ITPR2: variants seen among roughly 807,000 people sequenced by gnomAD.
ITPR2 encodes the protein inositol 1,4,5-trisphosphate-gated calcium channel ITPR2.
ITPR2 carries 207 observed loss-of-function variants against 317.1 expected under a neutral mutation model. The observed-to-expected ratio is 0.65, with a 90% CI of 0.58 to 0.73. The LOEUF (loss-of-function observed/expected upper bound fraction) is 0.73. Ranked by LOEUF, ITPR2 falls within the 30% of genes least tolerant of loss-of-function variation. The pLI is 0.00. For missense variants in ITPR2, 2,613 were observed against 3,284.0 expected (o/e 0.80, Z 4.99); for synonymous variants, 1,156 against 1,149.1 (o/e 1.01, Z -0.12).
chr12:26,634,474 C>T (rs1207470999), intron 21 of ITPR2, among the ~76,000 whole-genome samples: 1 of 152,196 alleles, frequency 6.6e-6, no homozygotes, highest in African/African-American at 2.4e-5. Context: ...CTAATGCTTA[C>T]AAATTCAGCT....
intron 37 of ITPR2, among the ~76,000 whole-genome samples, chr12:26,535,943 C>A (rs547324779): frequency 6.6e-6 from 1 of 152,254 alleles, no homozygotes; most frequent in African/African-American, 2.4e-5. Flanking sequence ...CGTCCATGAT[C>A]GAAGAACAAA....
At chr12:26,374,708 G>A (rs1412940655) in intron 55 of ITPR2, among the ~76,000 whole-genome samples, 1 of 152,176 alleles carries the variant, frequency 6.6e-6, no homozygotes, top group East Asian at 1.9e-4. Flanking sequence ...GGAGTACAGA[G>A]GAGGAAACAG....
At chr12:26,773,488 C>T (rs1334626662) in intron 2 of ITPR2, among the ~76,000 whole-genome samples, 1 of 152,152 alleles carries the variant, frequency 6.6e-6, no homozygotes, top group African/African-American at 2.4e-5. Context: ...GTTCTTACCC[C>T]ACTATACCAC....
At chr12:26,520,760 C>T (rs1943641203) in intron 37 of ITPR2, among the ~76,000 whole-genome samples, 1 of 152,050 alleles carries the variant, frequency 6.6e-6, no homozygotes, top group African/African-American at 2.4e-5. Context: ...TCTCCTGATT[C>T]AAACCTGATT....
intron 55 of ITPR2, among the ~76,000 whole-genome samples, chr12:26,354,617 A>G (rs1326162819): frequency 1.3e-5 from 2 of 152,020 alleles, no homozygotes; most frequent in African/African-American, 2.4e-5. Flanking sequence ...AGTCTTTTCC[A>G]TTGTCTTCAA....
intron 34 of ITPR2, among the ~76,000 whole-genome samples, chr12:26,572,935 A>G (rs960409394): frequency 6.6e-6 from 1 of 152,126 alleles, no homozygotes; most frequent in Non-Finnish European, 1.5e-5. Flanking sequence ...ACTTTCTAAG[A>G]CAGGACTTTT....
intron 22 of ITPR2, among the ~76,000 whole-genome samples, chr12:26,630,938 A>G (rs1045194333): frequency 2.6e-5 from 4 of 152,144 alleles, no homozygotes; most frequent in Non-Finnish European, 5.9e-5. Flanking sequence ...GCCTGCCAAT[A>G]TTTCTCAGGA....
At chr12:26,359,229 A>C (rs551270365) in intron 55 of ITPR2, among the ~76,000 whole-genome samples, 1 of 152,308 alleles carries the variant, frequency 6.6e-6, no homozygotes, top group Admixed American at 6.5e-5. Context: ...CGCCACTGCT[A>C]CTTCATTTTT....
intron 11 of ITPR2, among the ~76,000 whole-genome samples, chr12:26,683,148 AT>A (rs1230713884): frequency 6.6e-6 from 1 of 152,208 alleles, no homozygotes; most frequent in Non-Finnish European, 1.5e-5. Context: ...ATCAATCCTC[AT>A]TATTTGTGGC....
intron 45 of ITPR2, among the ~76,000 whole-genome samples, chr12:26,473,358 T>C (rs544217447): frequency 6.6e-6 from 1 of 152,288 alleles, no homozygotes; most frequent in African/African-American, 2.4e-5. Flanking sequence ...CTGGCCAATC[T>C]GTCACTCTGC....
chr12:26,403,522 G>A (rs1046792547), intron 52 of ITPR2, among the ~76,000 whole-genome samples: 1 of 152,302 alleles, frequency 6.6e-6, no homozygotes, highest in Admixed American at 6.5e-5. Flanking sequence ...GGAGGCTGAA[G>A]GGGGAATGTC....
chr12:26,588,508 A>G, intron 32 of ITPR2, among the ~76,000 whole-genome samples: 1 of 152,226 alleles, frequency 6.6e-6, no homozygotes, highest in Non-Finnish European at 1.5e-5. Context: ...CATTCAACTT[A>G]AGAAATTCAA....
intron 34 of ITPR2, among the ~76,000 whole-genome samples, chr12:26,577,048 C>T (rs1052816484): frequency 6.6e-6 from 1 of 152,220 alleles, no homozygotes; most frequent in Non-Finnish European, 1.5e-5. Context: ...TGGGATGATG[C>T]AGCAAGATGG....
At chr12:26,625,084 G>A (rs1946590528) in intron 23 of ITPR2, among the ~76,000 whole-genome samples, 1 of 151,998 alleles carries the variant, frequency 6.6e-6, no homozygotes, top group South Asian at 2.1e-4. Flanking sequence ...AAATTAGCCA[G>A]GCACAGAAAG....
At chr12:26,678,701 T>G (rs577159469) in intron 13 of ITPR2, among the ~76,000 whole-genome samples, 2 of 152,324 alleles carry the variant, frequency 1.3e-5, no homozygotes, top group Non-Finnish European at 2.9e-5. Flanking sequence ...AGGCAAAGCC[T>G]TCTCTTTGCT....
chr12:26,771,328 C>T (rs532622550), intron 2 of ITPR2, among the ~76,000 whole-genome samples: 7 of 152,128 alleles, frequency 4.6e-5, no homozygotes, highest in African/African-American at 7.2e-5. Flanking sequence ...CCTTTTACCC[C>T]CTTTCTACCA....
intron 32 of ITPR2, among the ~76,000 whole-genome samples, chr12:26,581,905 G>A (rs1006371541): frequency 2.6e-5 from 4 of 152,058 alleles, no homozygotes; most frequent in African/African-American, 9.7e-5. Context: ...CAATTGCGTG[G>A]GGCTCTCTGG....
intron 2 of ITPR2, among the ~76,000 whole-genome samples, chr12:26,731,751 T>C (rs1949032070): frequency 6.6e-6 from 1 of 152,142 alleles, no homozygotes; most frequent in Admixed American, 6.5e-5. Context: ...TGAGCTATGA[T>C]CACACCACTG....
At chr12:26,392,931 C>T (rs1039761939) in intron 54 of ITPR2, among the ~76,000 whole-genome samples, 1 of 152,176 alleles carries the variant, frequency 6.6e-6, no homozygotes, top group African/African-American at 2.4e-5. Flanking sequence ...ACTCAATGTT[C>T]ATAATTAATA....
Sources: gnomAD v4.1 joint callset for allele counts (sites outside exome capture counted in the v4.1 genomes callset) on GRCh38, gnomAD v4.1.1 for gene constraint, MANE v1.5 for transcripts, NCBI Gene and HGNC (gene_info 2026-07-23, HGNC 2026-07-21) for gene names.